The following PTPRZ1 variants were observed in gnomAD, a reference collection of about 807,000 sequenced individuals.
The protein encoded by PTPRZ1 is receptor-type tyrosine-protein phosphatase zeta.
A neutral mutation model predicts 214.1 loss-of-function variants in PTPRZ1; 82 were observed. The observed-to-expected ratio is 0.38, with a 90% CI of 0.32 to 0.46. The LOEUF (loss-of-function observed/expected upper bound fraction) is 0.46. Ranked by LOEUF, PTPRZ1 falls within the 20% of genes least tolerant of loss-of-function variation. PTPRZ1 has a pLI of 1.00. For synonymous variants in PTPRZ1, 945 were observed against 987.9 expected (o/e 0.96, Z 0.81); for missense variants, 2,603 against 2,748.7 (o/e 0.95, Z 1.19).
intron 2 of PTPRZ1, among the ~76,000 whole-genome samples, chr7:121,930,328 AATT>A (rs1324599352): frequency 6.6e-6 from 1 of 152,112 alleles, no homozygotes; most frequent in Non-Finnish European, 1.5e-5. Context: ...TAAAAGCAAA[AATT>A]ATTCATAATT....
At chr7:122,014,850 G>A (rs1243596902) in intron 12 of PTPRZ1, among the ~76,000 whole-genome samples, 1 of 152,020 alleles carries the variant, frequency 6.6e-6, no homozygotes, top group Non-Finnish European at 1.5e-5. Context: ...TCTTAATGTT[G>A]CCTAAAGAGG....
At position 122,012,733 on chromosome 7, in the gene PTPRZ1, T is replaced by C. The variant is rs780492957; in HGVS notation, c.3687T>C (p.Ser1229=). 6.2e-7 allele frequency: 1 copy of C among 1,610,124 alleles called. No individual in the cohort carries two copies. Among genetic ancestry groups the C allele is most frequent in the Non-Finnish European group, 8.5e-7 (1 of 1,176,540 alleles). ...STMLHLIVSN[S]ASSENMLHST... ...TGTTGCATCTCATTGTATCAAATTC[T>C]GCTTCAAGTGAAAACATGCTGCACT... Residue 1229 remains serine (S), a synonymous_variant, in exon 12 of 30, where the codon TCT becomes TCC. Coordinates refer to ENST00000393386, the MANE Select transcript of PTPRZ1 (RefSeq NM_002851.3).
intron 15 of PTPRZ1, among the ~76,000 whole-genome samples, chr7:122,032,572 C>T (rs1158322339): frequency 1.3e-5 from 2 of 152,130 alleles, no homozygotes; most frequent in Non-Finnish European, 2.9e-5. Flanking sequence ...GTACTTTGAG[C>T]TGTAAGCCTA....
chr7:122,004,557 C>T, intron 10 of PTPRZ1, 57 bp from the exon 11 acceptor site: 2 of 964,424 alleles, frequency 2.1e-6, no homozygotes, highest in Non-Finnish European at 1.6e-6. Flanking sequence ...AAGGTAAATC[C>T]ACAAAGGCCG....
chr7:121,990,946 T>C (rs533905528), intron 8 of PTPRZ1, among the ~76,000 whole-genome samples: 15 of 152,362 alleles, frequency 9.8e-5, no homozygotes, highest in African/African-American at 3.6e-4. Flanking sequence ...CATCAGATGC[T>C]TTCATGCTGC....
chr7:122,038,982 GT>G, intron 19 of PTPRZ1, 93 bp downstream of exon 19: 1 of 1,322,198 alleles, frequency 7.6e-7, no homozygotes, highest in Middle Eastern at 2.0e-4. Flanking sequence ...AGGAGCCAAA[GT>G]TTTGAGAGTT....
At chr7:121,928,088 T>C (rs1489669132) in intron 1 of PTPRZ1, 68 bp from the exon 2 acceptor site, 23 of 1,088,418 alleles carry the variant, frequency 2.1e-5, no homozygotes, top group Non-Finnish European at 3.0e-5. Flanking sequence ...TATGAATAAT[T>C]TGGGCATCTT....
rs368884694 is a variant in PTPRZ1, at chr7:121,903,330, A to G, written c.59-24826A>G. 5.9e-5 allele frequency among the ~76,000 whole-genome samples: 9 copies of G among 152,318 alleles called. No homozygotes were observed. The East Asian group carries it at 1.5e-3, about 26-fold the overall frequency. On this transcript the variant is annotated intron_variant, in intron 1 of 29. Coordinates refer to ENST00000393386, the MANE Select transcript of PTPRZ1 (RefSeq NM_002851.3). ...TCTCTAGTTAGACTGTATCAACTACAGTATCATTTATTCACTTAAAAAGCT... is the reference window on the plus strand; with the variant it reads ...TCTCTAGTTAGACTGTATCAACTACGGTATCATTTATTCACTTAAAAAGCT...
At chr7:121,898,101 T>C (rs895681135) in intron 1 of PTPRZ1, among the ~76,000 whole-genome samples, 5 of 151,798 alleles carry the variant, frequency 3.3e-5, no homozygotes, top group African/African-American at 1.2e-4. Flanking sequence ...TACCTGATAA[T>C]GTATATAGAG....
intron 1 of PTPRZ1, among the ~76,000 whole-genome samples, chr7:121,905,469 C>T (rs1795087722): frequency 6.6e-6 from 1 of 152,076 alleles, no homozygotes; most frequent in Non-Finnish European, 1.5e-5. Context: ...CAAGGCCATG[C>T]AGATATGAAA....
At chr7:121,987,814 A>G (rs1330696698) in intron 8 of PTPRZ1, among the ~76,000 whole-genome samples, 1 of 152,224 alleles carries the variant, frequency 6.6e-6, no homozygotes, top group Admixed American at 6.5e-5. Flanking sequence ...AATGTAGTAC[A>G]TATACACTAT....
At chr7:121,875,726 G>T (rs1321241102) in intron 1 of PTPRZ1, among the ~76,000 whole-genome samples, 1 of 152,174 alleles carries the variant, frequency 6.6e-6, no homozygotes, top group Non-Finnish European at 1.5e-5. Context: ...TGACCTGGAG[G>T]CATTGGCAAC....
intron 2 of PTPRZ1, among the ~76,000 whole-genome samples, chr7:121,929,244 A>G (rs190535871): frequency 2.5e-3 from 384 of 152,174 alleles, no homozygotes; most frequent in Non-Finnish European, 4.1e-3. Context: ...ATTATCCAAA[A>G]TTTATATATT....
At chr7:121,989,970 C>T (rs532458358) in intron 8 of PTPRZ1, among the ~76,000 whole-genome samples, 1 of 152,192 alleles carries the variant, frequency 6.6e-6, no homozygotes, top group South Asian at 2.1e-4. Context: ...GAGTATACCA[C>T]ATGTCTGTTT....
At chr7:121,926,317 G>A (rs200095351) in intron 1 of PTPRZ1, among the ~76,000 whole-genome samples, 9 of 102,334 alleles carry the variant, frequency 8.8e-5, no homozygotes, top group South Asian at 3.3e-4. Flanking sequence ...AAAAAAAAAA[G>A]GATTACAATT....
At chr7:122,028,953 T>C (rs1799288209) in intron 14 of PTPRZ1, among the ~76,000 whole-genome samples, 1 of 152,064 alleles carries the variant, frequency 6.6e-6, no homozygotes, top group Non-Finnish European at 1.5e-5. Flanking sequence ...TGGTGACTTT[T>C]ACTTATTCCT....
At chr7:121,954,123 C>A (rs551540934) in intron 2 of PTPRZ1, among the ~76,000 whole-genome samples, 1 of 152,284 alleles carries the variant, frequency 6.6e-6, no homozygotes, top group East Asian at 1.9e-4. Flanking sequence ...AGTTTAGATC[C>A]GTAATAATCT....
At chr7:122,036,181 C>T (rs1222561551) in intron 17 of PTPRZ1, among the ~76,000 whole-genome samples, 4 of 152,150 alleles carry the variant, frequency 2.6e-5, no homozygotes, top group Non-Finnish European at 4.4e-5. Flanking sequence ...TTGTGAGCCT[C>T]CCCACCCATC....
At chr7:121,890,490 G>T (rs563217879) in intron 1 of PTPRZ1, among the ~76,000 whole-genome samples, 1 of 152,002 alleles carries the variant, frequency 6.6e-6, no homozygotes, top group African/African-American at 2.4e-5. Context: ...TTCCCAGCTG[G>T]TCTCCCTACT....
Sources: allele counts gnomAD v4.1 joint callset (sites outside exome capture counted in the v4.1 genomes callset), GRCh38; gene constraint gnomAD v4.1.1; transcripts MANE v1.5; gene names NCBI Gene and HGNC (gene_info 2026-07-23, HGNC 2026-07-21).